The following SLFNL1 variants were observed in gnomAD, a reference collection of about 807,000 sequenced individuals.
SLFNL1 encodes the protein schlafen like 1.
In SLFNL1, 26 loss-of-function variants were observed where a neutral mutation model predicts 32.5. The observed-to-expected ratio is 0.80, with a 90% CI of 0.59 to 1.11. The LOEUF (loss-of-function observed/expected upper bound fraction) is 1.11. SLFNL1 is among the 50% of genes least tolerant of loss of function. The pLI, the probability that SLFNL1 is intolerant of heterozygous loss-of-function variation, is 0.00. For missense variants in SLFNL1, 553 were observed against 546.5 expected (o/e 1.01, Z -0.12); for synonymous variants, 255 against 242.2 (o/e 1.05, Z -0.49).
chr1:41,019,466 CT>C (rs1558205646), intron 3 of SLFNL1, among the ~76,000 whole-genome samples: 1 of 152,168 alleles, frequency 6.6e-6, no homozygotes, highest in Admixed American at 6.5e-5. Context: ...GGATGATAGC[CT>C]TGGTGACCTG....
At position 41,020,598 on chromosome 1, in the gene SLFNL1, A is replaced by G. The variant is rs775158061; in HGVS notation, c.63T>C (p.Gly21=). ...CGGGTAGCTCCGGCAGGGACTCCTC[A>G]CCCCAGGACTCCATGAAGGGCTCTG... ...QVSEPFMESW[G]EESLPELPAE... is the part of the protein sequence containing the mutation. The change falls in exon 3 of 6, where the codon GGT becomes GGC. Residue 21 remains glycine (G), a synonymous_variant. Coordinates refer to ENST00000302946, the MANE Select transcript of SLFNL1 (RefSeq NM_144990.4). 3.7e-6 allele frequency: 6 copies of G among 1,613,044 alleles called. No individual in the cohort carries two copies. Among genetic ancestry groups the G allele is most frequent in the African/African-American group, 1.3e-5 (1 of 74,806 alleles).
In SLFNL1 at chr1:41,020,551, T is replaced by A; in HGVS notation, c.110A>T (p.Tyr37Phe). The A allele has an allele frequency of 1.2e-6, 2 of 1,613,324 alleles. No homozygotes were observed. Among genetic ancestry groups the A allele is most frequent in the Non-Finnish European group, 1.7e-6 (2 of 1,179,984 alleles). The change falls in exon 3 of 6, where the codon TAC becomes TTC. Residue 37 changes from tyrosine to phenylalanine, a missense_variant. Physicochemically the swap from Tyr to Phe is conservative, Grantham distance 22 (BLOSUM62 3). Transcript: ENST00000302946. ...ELPAEQSLTE[Y>F]SDLEEAPSAH... ...CGAGGGAGCCTCCTCGAGGTCAGAGTACTCCGTCAGGGACTGCTCTGCGGG... is the reference window on the plus strand; with the variant it reads ...CGAGGGAGCCTCCTCGAGGTCAGAGAACTCCGTCAGGGACTGCTCTGCGGG...
At chr1:41,021,148 T>C (rs1643803890) in intron 1 of SLFNL1, 1 of 157,774 alleles carries the variant, frequency 6.3e-6, no homozygotes, top group Non-Finnish European at 1.4e-5. Context: ...AACCCAGGAC[T>C]CTGAGGACTG....
chr1:41,020,014 C>T (rs528745190), intron 3 of SLFNL1, among the ~76,000 whole-genome samples: 2 of 152,342 alleles, frequency 1.3e-5, no homozygotes, highest in African/African-American at 2.4e-5. Flanking sequence ...ACACAAACGT[C>T]GGGCTTGAGC....
At chr1:41,020,128 A>G (rs889719822) in intron 3 of SLFNL1, 98 bp downstream of exon 3, 9 of 1,288,958 alleles carry the variant, frequency 7.0e-6, no homozygotes, top group East Asian at 2.3e-5. Context: ...CTGCTTCCCC[A>G]GAGACACCCC....
At position 41,018,429 on chromosome 1, in the gene SLFNL1, G is replaced by A. The variant is rs1643534552; in HGVS notation, c.436-273C>T. The A allele has an allele frequency of 1.7e-5, 7 of 403,598 alleles. No individual in the cohort carries two copies. The East Asian group carries it at 2.7e-4, about 15-fold the overall frequency. The allele number at this position is 403,598 out of a possible 1,614,324, so 25.0% of individuals were successfully genotyped here. A position where few individuals can be genotyped will look rare whatever the true frequency, so the allele number is the denominator to read the frequency against. ...GAGCTGTGGGATGCCTGGTGGGGAA[G>A]AAGAGATTTCTGCTTCTCAGGGCTG... On this transcript the variant is annotated intron_variant, in intron 3 of 5. Transcript: ENST00000302946.
chr1:41,019,215 C>T (rs1200702329), intron 3 of SLFNL1, among the ~76,000 whole-genome samples: 1 of 152,108 alleles, frequency 6.6e-6, no homozygotes, highest in Non-Finnish European at 1.5e-5. Flanking sequence ...GAGACTGAGG[C>T]ACCTCCCTAC....
Position 41,015,942 on chromosome 1 carries a change from G to T in SLFNL1, c.*164C>A. On this transcript the variant is annotated 3_prime_UTR_variant, in exon 6 of 6. Transcript: ENST00000302946. ...CTTGGCTACACAGATGGGTCTGTCA[G>T]GGTTGAAGCCACATGGGTGCCTGCT... 1 of 903,158 alleles carries T rather than the reference G, an allele frequency of 1.1e-6. No homozygotes were observed. Among genetic ancestry groups the T allele is most frequent in the Non-Finnish European group, 1.7e-6 (1 of 600,628 alleles). The allele number at this position is 903,158 out of a possible 1,614,324, so 55.9% of individuals were successfully genotyped here.
chr1:41,020,349 GGT>G lies in SLFNL1; in HGVS notation c.310_311del (p.Thr104ProfsTer32). 1 of 1,613,498 alleles carries G rather than the reference GGT, an allele frequency of 6.2e-7. No homozygotes were observed. Among genetic ancestry groups the G allele is most frequent in the Non-Finnish European group, 8.5e-7 (1 of 1,180,012 alleles). ...GCAGGCGCCAGGGGAGGGAGGCCAG[GGT>G]GTCCCTGTGGACAGTCACCTGCACC... is the stretch of plus-strand genomic sequence containing the variant. ...ALVQVTVHRD[T>X]LASLPWRLQT... On this transcript the variant is annotated frameshift_variant, in exon 3 of 6. Coordinates refer to ENST00000302946, the MANE Select transcript of SLFNL1 (RefSeq NM_144990.4). LOFTEE classifies it high-confidence loss of function.
Position 41,020,206 on chromosome 1 carries a change from T to A in SLFNL1, c.435+20A>T. Reference sequence around the variant, plus strand: ...CTTGGGGTGAGGCTTTGGAGCTTGCTTGGGAAAAGTCCCACTTACCTCTCT... The same window carrying A: ...CTTGGGGTGAGGCTTTGGAGCTTGCATGGGAAAAGTCCCACTTACCTCTCT... On this transcript the variant is annotated intron_variant, in intron 3 of 5. Coordinates refer to ENST00000302946, the MANE Select transcript of SLFNL1 (RefSeq NM_144990.4). 1 of 1,560,792 alleles carries A rather than the reference T, an allele frequency of 6.4e-7. No homozygotes were observed. The highest frequency in any genetic ancestry group is 8.7e-7 in the Non-Finnish European group (1 of 1,152,514).
At chr1:41,019,234 C>T (rs1234581086) in intron 3 of SLFNL1, among the ~76,000 whole-genome samples, 3 of 152,250 alleles carry the variant, frequency 2.0e-5, no homozygotes, top group East Asian at 3.9e-4. Context: ...ACCAGCCCTG[C>T]AGCTCCCCAG....
chr1:41,016,363 G>A, intron 5 of SLFNL1, 135 bp from the exon 6 acceptor site: 1 of 1,351,474 alleles, frequency 7.4e-7, no homozygotes, highest in Non-Finnish European at 1.0e-6. Context: ...GGAAAAGTCA[G>A]GCCCCTCGGC....
rs377035951 is a variant in SLFNL1, at chr1:41,018,058, A to T, written c.534T>A (p.Asp178Glu). ...TCTGCAGCTGCTGGGCCTGGGGCCT[A>T]TCAGGCAGCGTGTGTGTAGGCCAGG... ...LPTWPTHTLPDRPQAQQLQSC... is the reference protein window; with the variant it reads ...LPTWPTHTLPERPQAQQLQSC... The change falls in exon 4 of 6, where the codon GAT becomes GAA. Residue 178 changes from aspartate to glutamate, a missense_variant. Coordinates refer to ENST00000302946, the MANE Select transcript of SLFNL1 (RefSeq NM_144990.4). The T allele has an allele frequency of 1.3e-6, 2 of 1,586,550 alleles. No homozygotes were observed. Among genetic ancestry groups the T allele is most frequent in the Admixed American group, 3.5e-5 (2 of 56,374 alleles).
At chr1:41,017,000 G>A (rs902567673) in intron 5 of SLFNL1, 151 of 453,762 alleles carry the variant, frequency 3.3e-4, no homozygotes, top group African/African-American at 2.6e-3. Context: ...GAGCCACTGC[G>A]CCTGGCCACT....
rs1293242991 is a variant in SLFNL1 at position 41,018,138 on chromosome 1, C to T, written c.454G>A (p.Glu152Lys). 6.7e-7 allele frequency: 1 copy of T among 1,490,938 alleles called. No homozygotes were observed. Among genetic ancestry groups the T allele is most frequent in the Non-Finnish European group, 9.0e-7 (1 of 1,114,572 alleles). 92.4% of individuals were successfully genotyped at this position (1,490,938 alleles called of 1,614,324 possible). The change falls in exon 4 of 6, where the codon GAG becomes AAG. Residue 152 changes from glutamate to lysine, a missense_variant. Physicochemically the swap from Glu to Lys is moderately conservative, Grantham distance 56. Coordinates refer to ENST00000302946, the MANE Select transcript of SLFNL1 (RefSeq NM_144990.4). The part of the protein sequence containing the change: ...SHREEKEEEE[E>K]DSGLSPGPSP... ...GGGCCAGGGCTCAGGCCACTGTCCT[C>T]CTCCTCCTCCTCCTTCTCCTAGGGT...
At chr1:41,020,159 C>T (rs991529998) in intron 3 of SLFNL1, 67 bp downstream of exon 3, 5 of 1,480,668 alleles carry the variant, frequency 3.4e-6, no homozygotes, top group African/African-American at 1.4e-5. Flanking sequence ...CTCTGCAGGC[C>T]ACTCCCACTC....
In SLFNL1 at chr1:41,021,712, G is replaced by C. The variant is rs1643848507; in HGVS notation, c.-215C>G. 6.6e-6 allele frequency: 1 copy of C among 152,286 alleles called. No individual in the cohort carries two copies. Among genetic ancestry groups the C allele is most frequent in the African/African-American group, 2.4e-5 (1 of 41,456 alleles). The allele number at this position is 152,286 out of a possible 1,614,324, so 9.4% of individuals were successfully genotyped here. A position where few individuals can be genotyped will look rare whatever the true frequency, so the allele number is the denominator to read the frequency against. The stretch of plus-strand genomic sequence containing the variant: ...CGACCCCTGGCCGGTAGCTCTCAGG[G>C]AACTTGGAGGCTTGGCACAGGGACG... On this transcript the variant is annotated 5_prime_UTR_variant, in exon 1 of 6. Coordinates refer to ENST00000302946, the MANE Select transcript of SLFNL1 (RefSeq NM_144990.4).
chr1:41,017,166 C>T lies in SLFNL1; in HGVS notation c.1101+68G>A, dbSNP rs942304989. The T allele has an allele frequency of 5.4e-6, 8 of 1,490,908 alleles. No individual in the cohort carries two copies. The highest frequency in any genetic ancestry group is 7.1e-6 in the Non-Finnish European group (8 of 1,122,664). The allele number at this position is 1,490,908 out of a possible 1,614,324, so 92.4% of individuals were successfully genotyped here. ...CCATGGTGGCTTGCCCTGGGCTGCT[C>T]AGTGGGTGGCTGAAGGGGTCTGGGG... On this transcript the variant is annotated intron_variant, in intron 5 of 5. Coordinates refer to ENST00000302946, the MANE Select transcript of SLFNL1 (RefSeq NM_144990.4). The surrounding 1 kb of genome is among the most constrained non-coding windows in gnomAD (Gnocchi z 4.9).
At position 41,017,041 on chromosome 1, in the gene SLFNL1, C is replaced by T. The variant is rs1571005847; in HGVS notation, c.1101+193G>A. ...GATTTTTAAAAGGAGAGAGCTTGGG[C>T]CTCTTCCTTCCCACCAGCCACCTAC... On this transcript the variant is annotated intron_variant, in intron 5 of 5. Coordinates refer to ENST00000302946, the MANE Select transcript of SLFNL1 (RefSeq NM_144990.4). This position sits in a 1 kb window ranked among gnomAD's most constrained non-coding sequence, Gnocchi z 4.9. The T allele has an allele frequency of 4.1e-5, 25 of 614,642 alleles. No homozygotes were observed. In the East Asian group the frequency reaches 7.0e-4, roughly 17 times the overall value. 38.1% of individuals were successfully genotyped at this position (614,642 alleles called of 1,614,324 possible).
Sources: gnomAD v4.1 joint callset for allele counts (sites outside exome capture counted in the v4.1 genomes callset) on GRCh38, gnomAD v4.1.1 for gene constraint, Gnocchi (gnomAD v3.1) non-coding constraint, MANE v1.5 for transcripts, NCBI Gene and HGNC (gene_info 2026-07-23, HGNC 2026-07-21) for gene names.